The following STAB1 variants were observed in gnomAD, a reference collection of about 807,000 sequenced individuals.
STAB1 encodes the protein stabilin-1.
In STAB1, 250 loss-of-function variants were observed where a neutral mutation model predicts 332.4. That is an observed-to-expected ratio of 0.75 (90% CI 0.68 to 0.84). The LOEUF (loss-of-function observed/expected upper bound fraction) is 0.84, where lower values mean the gene tolerates loss of function less well. STAB1 is among the 40% of genes least tolerant of loss of function. The probability of loss-of-function intolerance (pLI) is 0.00; values close to 1 mark genes in which losing one functional copy is unlikely to be tolerated. For synonymous variants in STAB1, 1,475 were observed against 1,390.4 expected (o/e 1.06, Z -1.35); for missense variants, 3,249 against 3,489.7 (o/e 0.93, Z 1.74).
Position 52,513,253 on chromosome 3 carries a change from A to T in STAB1, c.3270+12A>T, listed in dbSNP as rs756076038. On this transcript the variant is annotated intron_variant, in intron 30 of 68. Transcript: ENST00000321725. ...GCAACATTAGTGGGGTATGTGGTGA[A>T]CTCTGGGCAGAAAAGGGGACCAGGT... The T allele has an allele frequency of 3.8e-6, 6 of 1,558,582 alleles. No homozygotes were observed. In the South Asian group the frequency reaches 4.8e-5, roughly 12 times the overall value.
In STAB1 at chr3:52,505,639, C is replaced by T. The variant is rs569658074; in HGVS notation, c.1582-29C>T. ...TCAGAGGTGGAGGCTGGCCATGCAA[C>T]CCCCTGAGCCTCCCTTGCACCACCA... On this transcript the variant is annotated intron_variant, in intron 14 of 68. Coordinates refer to ENST00000321725, the MANE Select transcript of STAB1 (RefSeq NM_015136.3). 12 of 1,605,326 alleles carry T rather than the reference C, an allele frequency of 7.5e-6. No homozygotes were observed. In the South Asian group the frequency reaches 1.2e-4, roughly 16 times the overall value.
In STAB1 at chr3:52,510,134, AC is replaced by A. The variant is rs764125505; in HGVS notation, c.2535-3del. 1.2e-6 allele frequency: 2 copies of A among 1,612,990 alleles called. No homozygotes were observed. Among genetic ancestry groups the A allele is most frequent in the South Asian group, 2.2e-5 (2 of 91,018 alleles). ...CTCACTGGAGCCCCCTCCTTCACCC[AC>A]CCCCAGATGTCGCTGTCTTGATGGC... On this transcript the variant is annotated splice_region_variant and splice_polypyrimidine_tract_variant and intron_variant, in intron 23 of 68. Coordinates refer to ENST00000321725, the MANE Select transcript of STAB1 (RefSeq NM_015136.3).
chr3:52,519,228 C>G, intron 48 of STAB1, 36 bp from the exon 49 acceptor site: 1 of 1,597,376 alleles, frequency 6.3e-7, no homozygotes, highest in Non-Finnish European at 8.5e-7. Context: ...GAGCACCCCA[C>G]CTATCTGCTT....
Position 52,522,083 on chromosome 3 carries a change from C to T in STAB1, c.6318C>T (p.Ala2106=), listed in dbSNP as rs780480347. 2 of 1,613,226 alleles carry T rather than the reference C, an allele frequency of 1.2e-6. No homozygotes were observed. Among genetic ancestry groups the T allele is most frequent in the South Asian group, 1.1e-5 (1 of 91,092 alleles). ...GGCATGGTGGCTGCAGTGAGCACGC[C>T]AACTGTAGCCAGGTAGGAACAATGG... ...QDGHGGCSEH[A]NCSQVGTMVT... The change falls in exon 59 of 69, where the codon GCC becomes GCT. Residue 2106 remains alanine (A), a synonymous_variant. Transcript: ENST00000321725.
chr3:52,501,171 G>T lies in STAB1; in HGVS notation c.84G>T (p.Leu28=), dbSNP rs765308007. The change falls in exon 2 of 69, where the codon CTG becomes CTT. Residue 28 remains leucine (L), a synonymous_variant. Coordinates refer to ENST00000321725, the MANE Select transcript of STAB1 (RefSeq NM_015136.3). Reference sequence around the variant, plus strand: ...CACCCTGCCTGTGGCCCCAGGTGCTGTTCAAAGGCTGTGATGTGAAAACCA... The same window carrying T: ...CACCCTGCCTGTGGCCCCAGGTGCTTTTCAAAGGCTGTGATGTGAAAACCA... ...AGFSFVRGQV[L]FKGCDVKTTF... 4.3e-6 allele frequency: 7 copies of T among 1,613,194 alleles called. No individual in the cohort carries two copies. The highest frequency in any genetic ancestry group is 1.7e-5 in the Admixed American group (1 of 60,026).
chr3:52,504,773 T>C lies in STAB1; in HGVS notation c.1274T>C (p.Ile425Thr), dbSNP rs371413634. The change falls in exon 12 of 69, where the codon ATC becomes ACC. Residue 425 changes from isoleucine (I) to threonine (T), a missense_variant. Coordinates refer to ENST00000321725, the MANE Select transcript of STAB1 (RefSeq NM_015136.3). ...SLAQQLCRQH[I>T]IAGQHILEDT... ...GCCCAGCAGCTCTGTAGACAGCACA[T>C]CATCGCAGGGCAGCACATCCTGGAG... is the stretch of plus-strand genomic sequence containing the variant. 6.2e-7 allele frequency: 1 copy of C among 1,613,866 alleles called. No homozygotes were observed. The highest frequency in any genetic ancestry group is 2.2e-5 in the East Asian group (1 of 44,888).
At position 52,522,923 on chromosome 3, in the gene STAB1, A is replaced by C; in HGVS notation, c.6893A>C (p.Tyr2298Ser). 6.2e-7 allele frequency: 1 copy of C among 1,613,212 alleles called. No homozygotes were observed. The highest frequency in any genetic ancestry group is 8.5e-7 in the Non-Finnish European group (1 of 1,179,936). ...AACCTCTCAGAACGCTGGGATGCCTACTGCTTCCGTGTGCAAGGTGTGTCC... is the reference window on the plus strand; with the variant it reads ...AACCTCTCAGAACGCTGGGATGCCTCCTGCTTCCGTGTGCAAGGTGTGTCC... The part of the protein sequence containing the change: ...RKNLSERWDA[Y>S]CFRVQDVACR... The change falls in exon 62 of 69, where the codon TAC (tyrosine) becomes TCC (serine). Residue 2298 changes from tyrosine (Y) to serine (S), a missense_variant. Physicochemically the swap from Tyr to Ser is moderately radical, Grantham distance 144. Transcript: ENST00000321725.
chr3:52,504,363 C>T, intron 10 of STAB1, 98 bp from the exon 11 acceptor site: 12 of 1,415,804 alleles, frequency 8.5e-6, no homozygotes, highest in Non-Finnish European at 1.1e-5. Context: ...AATACCCCCA[C>T]CCCAACTCCC....
In STAB1 at chr3:52,523,528, C is replaced by A. The variant is rs2079152930; in HGVS notation, c.7242C>A (p.Ser2414Arg). ...GKLLPAHSGL[S>R]LIISDAGPDN... The stretch of plus-strand genomic sequence containing the variant: ...TGCTTCCGGCCCACTCAGGCCTCAG[C>A]CTCATCATCAGTGACGCAGGCCCTG... The change falls in exon 65 of 69, where the codon AGC (serine) becomes AGA (arginine). Residue 2414 changes from serine (S) to arginine (R), a missense_variant. Physicochemically the swap from Ser to Arg is moderately radical, Grantham distance 110. Coordinates refer to ENST00000321725, the MANE Select transcript of STAB1 (RefSeq NM_015136.3). The A allele has an allele frequency of 6.2e-7, 1 of 1,612,902 alleles. No homozygotes were observed. The highest frequency in any genetic ancestry group is 8.5e-7 in the Non-Finnish European group (1 of 1,179,994).
At chr3:52,516,266 G>GGGGGGGGGGCGCC in intron 38 of STAB1, 28 bp downstream of exon 38, 1 of 794,430 alleles carries the variant, frequency 1.3e-6, no homozygotes, top group Non-Finnish European at 2.2e-6. Context: ...GCGGGGGTGG[G>GGGGGGGGGGCGCC]CCTCCTGGCA....
At chr3:52,519,205 C>T in intron 48 of STAB1, 59 bp from the exon 49 acceptor site, 2 of 1,573,410 alleles carry the variant, frequency 1.3e-6, no homozygotes, top group Admixed American at 3.4e-5. Context: ...CACCTCAGGC[C>T]CCGATAGCTT....
At chr3:52,519,119 A>G (rs1158208381) in intron 48 of STAB1, 145 bp from the exon 49 acceptor site, 25 of 1,106,000 alleles carry the variant, frequency 2.3e-5, no homozygotes, top group Non-Finnish European at 3.1e-5. Flanking sequence ...TCCGCCCCAG[A>G]CCCCGCCCAC....
rs760621236 is a variant in STAB1, at chr3:52,520,209, G to A, written c.5418G>A (p.Leu1806=). ...RGHMIRNVEA[L]ASDLPNLGPL... Reference sequence around the variant, plus strand: ...CCATGACTCCACTTGCTCAGGCCTTGGCATCTGACCTGCCCAACCTGGGCC... The same window carrying A: ...CCATGACTCCACTTGCTCAGGCCTTAGCATCTGACCTGCCCAACCTGGGCC... The change falls in exon 52 of 69, where the codon TTG becomes TTA. Residue 1806 remains leucine, a synonymous_variant. Transcript: ENST00000321725. 1 of 1,613,198 alleles carries A rather than the reference G, an allele frequency of 6.2e-7. No individual in the cohort carries two copies. The highest frequency in any genetic ancestry group is 1.3e-5 in the African/African-American group (1 of 75,068).
chr3:52,502,365 C>G (rs1708515890), intron 5 of STAB1, 137 bp downstream of exon 5: 2 of 1,011,578 alleles, frequency 2.0e-6, no homozygotes, highest in African/African-American at 1.6e-5. Flanking sequence ...CTTTCAGGAA[C>G]ATGTGCTTTG....
intron 25 of STAB1, 28 bp downstream of exon 25, chr3:52,510,535 G>T: frequency 6.2e-7 from 1 of 1,602,876 alleles, no homozygotes; most frequent in Non-Finnish European, 8.5e-7. Context: ...AGGGGTGGGG[G>T]CCTTGGTTCT....
chr3:52,500,453 A>T (rs1708360762), intron 1 of STAB1, among the ~76,000 whole-genome samples: 1 of 152,224 alleles, frequency 6.6e-6, no homozygotes, highest in African/African-American at 2.4e-5. Flanking sequence ...TGCTCACGTG[A>T]GCCCAGCCTC....
Position 52,510,522 on chromosome 3 carries a change from A to G in STAB1, c.2787+15A>G. 1 of 1,609,408 alleles carries G rather than the reference A, an allele frequency of 6.2e-7. No individual in the cohort carries two copies. The highest frequency in any genetic ancestry group is 8.5e-7 in the Non-Finnish European group (1 of 1,177,608). On this transcript the variant is annotated intron_variant, in intron 25 of 68. Coordinates refer to ENST00000321725, the MANE Select transcript of STAB1 (RefSeq NM_015136.3). ...GCCCCGGGCAGGTGAGGTGCAGCAG[A>G]GAAGGGGTGGGGGCCTTGGTTCTGG...
rs780817554 is a variant in STAB1 at position 52,522,184 on chromosome 3, A to G, written c.6419A>G (p.His2140Arg). The G allele has an allele frequency of 2.5e-6, 4 of 1,612,600 alleles. No individual in the cohort carries two copies. The South Asian group carries it at 4.4e-5, about 18-fold the overall frequency. Residue 2140 changes from histidine to arginine, a missense_variant, in exon 59 of 69, where the codon CAC (histidine) becomes CGC (arginine). His to Arg is a conservative substitution (Grantham distance 29). Transcript: ENST00000321725. ...GCCCGCAACCCCTGCACAGATGGCC[A>G]CCGCGGGGGCTGCAGCGAGCACGCC... ...CRARNPCTDG[H>R]RGGCSEHANC...
intron 1 of STAB1, among the ~76,000 whole-genome samples, chr3:52,495,736 CT>C (rs1707971217): frequency 6.6e-6 from 1 of 152,226 alleles, no homozygotes; most frequent in African/African-American, 2.4e-5. Flanking sequence ...GGGGCCGGGG[CT>C]CCCCAGCGTG....
Sources: allele counts gnomAD v4.1 joint callset (sites outside exome capture counted in the v4.1 genomes callset), GRCh38; gene constraint gnomAD v4.1.1; transcripts MANE v1.5; gene names NCBI Gene and HGNC (gene_info 2026-07-23, HGNC 2026-07-21).